Variants in CALD1 observed in about 807,000 individuals in gnomAD.
CALD1 encodes caldesmon 1, also known as caldesmon.
A neutral mutation model predicts 99.9 loss-of-function variants in CALD1; 33 were observed. That is an observed-to-expected ratio of 0.33 (90% CI 0.25 to 0.44). The LOEUF (loss-of-function observed/expected upper bound fraction) is 0.44. Among genes scored for constraint, CALD1 ranks in the 20% least tolerant of loss-of-function variants. The probability of loss-of-function intolerance (pLI) is 1.00; values close to 1 mark genes in which losing one functional copy is unlikely to be tolerated. For missense variants in CALD1, 861 were observed against 962.1 expected, an observed-to-expected ratio of 0.89 and a Z score of 1.39; for synonymous variants, 310 against 325.0, an observed-to-expected ratio of 0.95 and a Z score of 0.50.
intron 3 of CALD1, among the ~76,000 whole-genome samples, chr7:134,919,800 AT>A (rs11458080): frequency 3.9e-5 from 6 of 151,972 alleles, no homozygotes; most frequent in South Asian, 2.1e-4. Context: ...TTCCATGAAA[AT>A]TTTTTTTCTT....
At chr7:134,775,430 G>A (rs190512182), upstream of CALD1, among the ~76,000 whole-genome samples, 163 of 152,232 alleles carry the variant, frequency 1.1e-3, 3 homozygotes, top group Admixed American at 0.01. Flanking sequence ...TAATGAATGC[G>A]GCCGGGCACT....
At chr7:134,791,988 C>T (rs554269701) in intron 1 of CALD1, among the ~76,000 whole-genome samples, 2 of 152,332 alleles carry the variant, frequency 1.3e-5, no homozygotes, top group Admixed American at 6.5e-5. Flanking sequence ...GCAACTGCCG[C>T]CGTGATTCAG....
At chr7:134,843,745 T>G (rs1394195557) in intron 1 of CALD1, 139 bp from the exon 2 acceptor site, 1 of 152,228 alleles carries the variant, frequency 6.6e-6, no homozygotes, top group Non-Finnish European at 1.5e-5. Context: ...CAATAGCTAT[T>G]TCTACCCCTG....
intron 1 of CALD1, among the ~76,000 whole-genome samples, chr7:134,798,706 C>T (rs1797838195): frequency 6.6e-6 from 1 of 152,196 alleles, no homozygotes; most frequent in African/African-American, 2.4e-5. Flanking sequence ...TTAGAAATCA[C>T]CCCAATGACC....
intron 1 of CALD1, among the ~76,000 whole-genome samples, chr7:134,801,929 TAC>T (rs1585976432): frequency 1.3e-5 from 2 of 152,316 alleles, no homozygotes; most frequent in East Asian, 3.9e-4. Flanking sequence ...AAGATATTAT[TAC>T]ATTTTCTTCT....
intron 2 of CALD1, among the ~76,000 whole-genome samples, chr7:134,852,346 G>A (rs3800736): frequency 0.024 from 3,385 of 142,506 alleles, 40 homozygotes; most frequent in South Asian, 0.036. Flanking sequence ...TGGCTTGGCT[G>A]TAAGTTGTGT....
At chr7:134,739,924 T>C (rs1796579380), upstream of CALD1, among the ~76,000 whole-genome samples, 2 of 151,774 alleles carry the variant, frequency 1.3e-5, no homozygotes, top group Admixed American at 6.6e-5. Flanking sequence ...TATTAAATGA[T>C]GTCCACTACA....
At chr7:134,733,862 A>T in the CALD1 span, among the ~76,000 whole-genome samples, 1 of 151,362 alleles carries the variant, frequency 6.6e-6, no homozygotes, top group Non-Finnish European at 1.5e-5. Flanking sequence ...AAATGATATT[A>T]AATTATATAA....
chr7:134,711,712 GTGTGTGTGTGTGTGTC>G, the CALD1 span, among the ~76,000 whole-genome samples: 6 of 135,196 alleles, frequency 4.4e-5, no homozygotes, highest in African/African-American at 1.4e-4. Context: ...GTGTGTGTGT[GTGTGTGTGTGTGTGTC>G]TCTCTCTCTG....
chr7:134,727,426 T>C, the CALD1 span, among the ~76,000 whole-genome samples: 6 of 152,202 alleles, frequency 3.9e-5, no homozygotes, highest in Non-Finnish European at 8.8e-5. Context: ...GATCAAACTA[T>C]CAAACCAGCT....
chr7:134,808,835 G>A (rs1798249275), intron 1 of CALD1, among the ~76,000 whole-genome samples: 2 of 152,120 alleles, frequency 1.3e-5, no homozygotes. Context: ...AGTTCCTAGG[G>A]TGCAGATTAG....
At chr7:134,720,971 A>C in the CALD1 span, among the ~76,000 whole-genome samples, 1 of 152,248 alleles carries the variant, frequency 6.6e-6, no homozygotes, top group Admixed American at 6.5e-5. Context: ...AGCATCAAAC[A>C]AAGAGTTGAG....
chr7:134,962,292 A>G (rs1371911440), intron 13 of CALD1: 1 of 152,224 alleles, frequency 6.6e-6, no homozygotes, highest in East Asian at 1.9e-4. Flanking sequence ...TATGATAGGT[A>G]TAACTGTATC....
upstream of CALD1, among the ~76,000 whole-genome samples, chr7:134,778,530 T>G (rs79742877): frequency 0.022 from 3,407 of 151,968 alleles, 130 homozygotes; most frequent in African/African-American, 0.078. Flanking sequence ...TAGTAAGTGC[T>G]CCAAAAAAAG....
At chr7:134,733,276 C>A in the CALD1 span, among the ~76,000 whole-genome samples, 1 of 152,212 alleles carries the variant, frequency 6.6e-6, no homozygotes, top group Admixed American at 6.5e-5. Flanking sequence ...CCCAGCAACA[C>A]CTCCAGATCG....
intron 1 of CALD1, among the ~76,000 whole-genome samples, chr7:134,782,648 T>C (rs1229746326): frequency 6.6e-6 from 1 of 152,230 alleles, no homozygotes; most frequent in African/African-American, 2.4e-5. Flanking sequence ...GCTTCTCCGA[T>C]GTCCCACAGT....
intron 1 of CALD1, among the ~76,000 whole-genome samples, chr7:134,840,336 A>C (rs917178456): frequency 3.3e-5 from 5 of 152,140 alleles, no homozygotes; most frequent in Non-Finnish European, 7.3e-5. Context: ...GTTTTGATAG[A>C]GTTGGGAAAG....
At chr7:134,730,928 A>G in the CALD1 span, among the ~76,000 whole-genome samples, 4 of 151,732 alleles carry the variant, frequency 2.6e-5, no homozygotes, top group Non-Finnish European at 5.9e-5. Context: ...ATCCTACCTC[A>G]TTGTTCATCT....
rs1245971409 is a variant in CALD1 at position 134,888,278 on chromosome 7, C to G, written c.71+20474C>G. On this transcript the variant is annotated intron_variant, in intron 3 of 14. Coordinates refer to ENST00000361675, the MANE Select transcript of CALD1 (RefSeq NM_033138.4). ...AAGAGTCCTGAAGCATCATCAAATT[C>G]ATGATACCTATTATCTTGCTGAAGG... is the stretch of plus-strand genomic sequence containing the variant. Among the ~76,000 whole-genome samples, 5 of 152,192 alleles carry G rather than the reference C, an allele frequency of 3.3e-5. No individual in the cohort carries two copies. In the East Asian group the frequency reaches 9.6e-4, roughly 29 times the overall value.
Sources: allele counts gnomAD v4.1 joint callset (sites outside exome capture counted in the v4.1 genomes callset), GRCh38; gene constraint gnomAD v4.1.1; transcripts MANE v1.5; gene names NCBI Gene and HGNC (gene_info 2026-07-23, HGNC 2026-07-21).